The following CTNND2 variants were observed in gnomAD, a reference collection of about 807,000 sequenced individuals.
CTNND2 encodes the protein catenin delta-2.
In CTNND2, 22 loss-of-function variants were observed where a neutral mutation model predicts 144.4. The ratio of observed to expected loss-of-function variants is 0.15; its 90% CI spans 0.11 to 0.22. The LOEUF (loss-of-function observed/expected upper bound fraction) is 0.22. CTNND2 is among the 10% of genes least tolerant of loss of function. The pLI is 1.00. For missense variants in CTNND2, 1,353 were observed against 1,618.8 expected, an observed-to-expected ratio of 0.84 and a Z score of 2.82; for synonymous variants, 751 against 695.6, an observed-to-expected ratio of 1.08 and a Z score of -1.25.
intron 3 of CTNND2, among the ~76,000 whole-genome samples, chr5:11,470,448 T>C (rs1359357527): frequency 1.3e-5 from 2 of 151,802 alleles, no homozygotes; most frequent in African/African-American, 4.8e-5. Context: ...AAAAGAAAAA[T>C]TGAGAAGATA....
chr5:11,122,246 CAA>C (rs202171390), intron 12 of CTNND2, among the ~76,000 whole-genome samples: 26 of 120,578 alleles, frequency 2.2e-4, no homozygotes, highest in African/African-American at 4.8e-4. Context: ...TTTCAACTTG[CAA>C]AAAAAAAAAA....
chr5:11,006,628 C>T (rs549875900), intron 18 of CTNND2, among the ~76,000 whole-genome samples: 1 of 152,320 alleles, frequency 6.6e-6, no homozygotes, highest in Non-Finnish European at 1.5e-5. Context: ...GTTGGATGCT[C>T]CAGTTAGGAG....
intron 9 of CTNND2, among the ~76,000 whole-genome samples, chr5:11,283,954 G>T (rs1158518864): frequency 2.0e-5 from 3 of 152,190 alleles, no homozygotes; most frequent in Non-Finnish European, 4.4e-5. Context: ...CCCTTGTCCA[G>T]TGTGTCTCTA....
At chr5:11,263,488 C>T (rs1204971189) in intron 9 of CTNND2, among the ~76,000 whole-genome samples, 2 of 151,630 alleles carry the variant, frequency 1.3e-5, no homozygotes, top group Non-Finnish European at 2.9e-5. Context: ...ACTATGATTA[C>T]AAATGTGTGT....
At chr5:11,397,902 G>A (rs1302531120) in intron 5 of CTNND2, among the ~76,000 whole-genome samples, 4 of 152,266 alleles carry the variant, frequency 2.6e-5, no homozygotes, top group African/African-American at 9.6e-5. Context: ...ATTATACGTT[G>A]CATATGAAAT....
At chr5:11,591,116 C>T (rs1036026688) in intron 2 of CTNND2, among the ~76,000 whole-genome samples, 1 of 152,140 alleles carries the variant, frequency 6.6e-6, no homozygotes, top group Non-Finnish European at 1.5e-5. Flanking sequence ...ACAAATGTCC[C>T]CATTATGTAA....
chr5:11,650,859 T>C (rs961270099), intron 2 of CTNND2, among the ~76,000 whole-genome samples: 1 of 152,182 alleles, frequency 6.6e-6, no homozygotes, highest in African/African-American at 2.4e-5. Flanking sequence ...GTTATATGCA[T>C]GAGCAAATAG....
chr5:11,893,356 G>C (rs1172918197), intron 1 of CTNND2, among the ~76,000 whole-genome samples: 3 of 152,148 alleles, frequency 2.0e-5, no homozygotes, highest in Admixed American at 6.5e-5. Context: ...CATTCAGAGG[G>C]GGACAGATTA....
At chr5:11,451,106 C>T (rs1172235170) in intron 3 of CTNND2, among the ~76,000 whole-genome samples, 1 of 151,444 alleles carries the variant, frequency 6.6e-6, no homozygotes, top group African/African-American at 2.4e-5. Flanking sequence ...TAAAAATTAA[C>T]CATATGTCAC....
chr5:11,691,459 G>T (rs901161923), intron 2 of CTNND2, among the ~76,000 whole-genome samples: 5 of 151,752 alleles, frequency 3.3e-5, no homozygotes, highest in African/African-American at 1.2e-4. Flanking sequence ...ATGCAAAGTG[G>T]TCTCTGGTAT....
intron 1 of CTNND2, among the ~76,000 whole-genome samples, chr5:11,901,646 G>T (rs1002857744): frequency 1.3e-5 from 2 of 152,052 alleles, no homozygotes; most frequent in East Asian, 1.9e-4. Flanking sequence ...ACTCCTTTCC[G>T]CAAGACTATG....
At chr5:11,742,734 T>C (rs1788087000) in intron 1 of CTNND2, among the ~76,000 whole-genome samples, 1 of 152,160 alleles carries the variant, frequency 6.6e-6, no homozygotes, top group Non-Finnish European at 1.5e-5. Context: ...TTTTAAAATA[T>C]TTTATTTTGA....
intron 1 of CTNND2, among the ~76,000 whole-genome samples, chr5:11,901,656 G>T (rs1356841018): frequency 6.6e-6 from 1 of 152,116 alleles, no homozygotes; most frequent in Non-Finnish European, 1.5e-5. Context: ...GCAAGACTAT[G>T]ACAATTTTAT....
intron 12 of CTNND2, among the ~76,000 whole-genome samples, chr5:11,159,083 T>C (rs1758512768): frequency 6.6e-6 from 1 of 152,158 alleles, no homozygotes; most frequent in South Asian, 2.1e-4. Context: ...CAACAGGCCT[T>C]ATTAAAGAGC....
At chr5:11,191,611 G>A (rs1736247834) in intron 11 of CTNND2, among the ~76,000 whole-genome samples, 1 of 152,176 alleles carries the variant, frequency 6.6e-6, no homozygotes, top group South Asian at 2.1e-4. Context: ...ACAGTGCTGA[G>A]CTCTGAGGGC....
At chr5:11,218,947 T>C (rs1241643383) in intron 10 of CTNND2, among the ~76,000 whole-genome samples, 2 of 152,196 alleles carry the variant, frequency 1.3e-5, no homozygotes, top group African/African-American at 2.4e-5. Context: ...AGCTGTCCCC[T>C]CATGTGGAAG....
chr5:11,467,075 C>T (rs528268927), intron 3 of CTNND2, among the ~76,000 whole-genome samples: 22 of 152,232 alleles, frequency 1.4e-4, no homozygotes, highest in Non-Finnish European at 3.2e-4. Context: ...TCACTGAAGC[C>T]ATACAAAAAG....
chr5:11,859,185 A>G (rs1402239707), intron 1 of CTNND2, among the ~76,000 whole-genome samples: 3 of 152,154 alleles, frequency 2.0e-5, no homozygotes, highest in Admixed American at 1.3e-4. Flanking sequence ...CCTTTCCTGT[A>G]TGGAGTCTTC....
Position 11,492,668 on chromosome 5 carries a change from G to A in CTNND2, c.287+72276C>T, listed in dbSNP as rs974274580. Among the ~76,000 whole-genome samples, 38 of 150,994 alleles carry A rather than the reference G, an allele frequency of 2.5e-4. 1 individual carries two copies. Among genetic ancestry groups the A allele is most frequent in the Admixed American group, 7.9e-4 (12 of 15,118 alleles). ...TATATATGTCTTTATTCACTAAGAGGTATATACATCTTTCATTAATAAAGA... is the reference window on the plus strand; with the variant it reads ...TATATATGTCTTTATTCACTAAGAGATATATACATCTTTCATTAATAAAGA... On this transcript the variant is annotated intron_variant, in intron 3 of 21. Coordinates refer to ENST00000304623, the MANE Select transcript of CTNND2 (RefSeq NM_001332.4).
Sources: allele counts gnomAD v4.1 joint callset (sites outside exome capture counted in the v4.1 genomes callset), GRCh38; gene constraint gnomAD v4.1.1; transcripts MANE v1.5; gene names NCBI Gene and HGNC (gene_info 2026-07-23, HGNC 2026-07-21).